The following LRRC4C variants were observed in gnomAD, a reference collection of about 807,000 sequenced individuals.
LRRC4C encodes leucine-rich repeat-containing protein 4C.
A neutral mutation model predicts 33.6 loss-of-function variants in LRRC4C; 5 were observed. That is an observed-to-expected ratio of 0.15 (90% CI 0.08 to 0.31). The LOEUF (loss-of-function observed/expected upper bound fraction) is 0.31, where lower values mean the gene tolerates loss of function less well. Ranked by LOEUF, LRRC4C falls within the 10% of genes least tolerant of loss-of-function variation. LRRC4C has a pLI of 1.00. For synonymous variants in LRRC4C, 329 were observed against 302.0 expected, an observed-to-expected ratio of 1.09 and a Z score of -0.93; for missense variants, 560 against 796.7, an observed-to-expected ratio of 0.70 and a Z score of 3.58.
intron 2 of LRRC4C, among the ~76,000 whole-genome samples, chr11:40,705,432 C>T (rs987642431): frequency 6.6e-6 from 1 of 151,950 alleles, no homozygotes; most frequent in African/African-American, 2.4e-5. Context: ...GTTCAATTTC[C>T]ACTTATGAGT....
chr11:41,250,010 A>AG (rs1457192101), intron 1 of LRRC4C, among the ~76,000 whole-genome samples: 1 of 151,766 alleles, frequency 6.6e-6, no homozygotes, highest in Non-Finnish European at 1.5e-5. Flanking sequence ...CTAAAAAAAA[A>AG]AATACAAAAA....
intron 1 of LRRC4C, among the ~76,000 whole-genome samples, chr11:41,374,864 G>A (rs1240718092): frequency 6.6e-6 from 1 of 152,138 alleles, no homozygotes; most frequent in Non-Finnish European, 1.5e-5. Context: ...GCTGGGCATG[G>A]TGCCTCACAC....
At chr11:40,699,703 T>C (rs965037189) in intron 2 of LRRC4C, among the ~76,000 whole-genome samples, 2 of 152,174 alleles carry the variant, frequency 1.3e-5, no homozygotes, top group African/African-American at 4.8e-5. Flanking sequence ...CACACACATA[T>C]AATTTCTATT....
At chr11:40,721,700 C>T (rs922948991) in intron 2 of LRRC4C, among the ~76,000 whole-genome samples, 5 of 152,202 alleles carry the variant, frequency 3.3e-5, no homozygotes, top group African/African-American at 1.2e-4. Context: ...CCTGTAATCC[C>T]AGCACTTTGG....
intron 1 of LRRC4C, among the ~76,000 whole-genome samples, chr11:41,356,350 T>C (rs948583221): frequency 1.3e-5 from 2 of 152,136 alleles, no homozygotes; most frequent in Admixed American, 1.3e-4. Flanking sequence ...AAAAGTCTTT[T>C]GGGGCAGTTA....
At chr11:40,789,060 T>C (rs1950528963) in intron 2 of LRRC4C, among the ~76,000 whole-genome samples, 1 of 121,832 alleles carries the variant, frequency 8.2e-6, no homozygotes, top group African/African-American at 3.3e-5. Flanking sequence ...GCCACTGCGC[T>C]CCAGCCTGGG....
chr11:41,290,361 T>C (rs1404927450), intron 1 of LRRC4C, among the ~76,000 whole-genome samples: 1 of 152,188 alleles, frequency 6.6e-6, no homozygotes, highest in African/African-American at 2.4e-5. Flanking sequence ...TGAATATCTG[T>C]AGAAGAATAA....
At chr11:40,382,684 A>AC (rs1948932644) in intron 3 of LRRC4C, among the ~76,000 whole-genome samples, 1 of 65,546 alleles carries the variant, frequency 1.5e-5, no homozygotes, top group Non-Finnish European at 2.7e-5. Context: ...ACTTGTACTC[A>AC]TTTTTTTTTT....
chr11:41,284,945 A>T (rs147532746), intron 1 of LRRC4C, among the ~76,000 whole-genome samples: 1 of 152,226 alleles, frequency 6.6e-6, no homozygotes, highest in African/African-American at 2.4e-5. Context: ...GTCCACGGCT[A>T]AGGCAGGGGA....
At position 40,514,313 on chromosome 11, in the gene LRRC4C, T is replaced by C. The variant is rs1421274030; in HGVS notation, c.-270+133829A>G. Among the ~76,000 whole-genome samples the C allele has an allele frequency of 2.6e-5, 4 of 152,218 alleles. No individual in the cohort carries two copies. The East Asian group carries it at 5.8e-4, about 22-fold the overall frequency. On this transcript the variant is annotated intron_variant, in intron 3 of 6. Transcript: ENST00000528697. ...ATGCAAAGGGCTTAGCACAGTGCAC[T>C]ACACCCTAGTGGTAAAGTGATGTTG...
chr11:40,384,787 T>G (rs1051801964), intron 3 of LRRC4C, among the ~76,000 whole-genome samples: 2 of 152,148 alleles, frequency 1.3e-5, no homozygotes, highest in African/African-American at 4.8e-5. Context: ...AGAAAGCCAC[T>G]CCTGGCAGGT....
intron 1 of LRRC4C, among the ~76,000 whole-genome samples, chr11:41,056,454 CATTATCAACAGAT>C (rs1193915861): frequency 1.3e-4 from 20 of 152,096 alleles, no homozygotes; most frequent in Admixed American, 1.2e-3. Flanking sequence ...CATCAAAAGA[CATTATCAACAGAT>C]TAAACAGACA....
chr11:40,118,974 G>C (rs1590415682), intron 6 of LRRC4C, among the ~76,000 whole-genome samples: 1 of 152,178 alleles, frequency 6.6e-6, no homozygotes, highest in South Asian at 2.1e-4. Flanking sequence ...GTCTTGGAGA[G>C]AAGCCAGTGC....
chr11:40,238,317 G>T (rs1404919770), intron 5 of LRRC4C, among the ~76,000 whole-genome samples: 1 of 152,148 alleles, frequency 6.6e-6, no homozygotes, highest in Non-Finnish European at 1.5e-5. Flanking sequence ...AGTTTTGAAT[G>T]TATTTCAGTT....
At chr11:40,445,232 G>T (rs144686675) in intron 3 of LRRC4C, 1 of 152,112 alleles carries the variant, frequency 6.6e-6, no homozygotes, top group Non-Finnish European at 1.5e-5. Flanking sequence ...AATAATTTTC[G>T]GAGAACAGTC....
chr11:40,781,758 C>T (rs909649741), intron 2 of LRRC4C, among the ~76,000 whole-genome samples: 1 of 152,146 alleles, frequency 6.6e-6, no homozygotes, highest in African/African-American at 2.4e-5. Context: ...GCTGAAAATC[C>T]TGTCTTGAGA....
At chr11:40,275,915 G>A (rs1028830356) in intron 4 of LRRC4C, among the ~76,000 whole-genome samples, 1 of 152,150 alleles carries the variant, frequency 6.6e-6, no homozygotes, top group African/African-American at 2.4e-5. Context: ...ACCTCAGAGA[G>A]CCTTCCGGCT....
At chr11:40,830,564 C>G (rs11036093) in intron 2 of LRRC4C, among the ~76,000 whole-genome samples, 19 of 151,790 alleles carry the variant, frequency 1.3e-4, no homozygotes, top group African/African-American at 4.6e-4. Context: ...AAGTTCTTTA[C>G]GAAAAATAAA....
intron 1 of LRRC4C, among the ~76,000 whole-genome samples, chr11:41,411,550 A>G (rs950431075): frequency 2.0e-5 from 3 of 152,216 alleles, no homozygotes; most frequent in Non-Finnish European, 4.4e-5. Context: ...GAAAAATTGT[A>G]CTTCAGATAA....
Sources: allele counts gnomAD v4.1 joint callset (sites outside exome capture counted in the v4.1 genomes callset), GRCh38; gene constraint gnomAD v4.1.1; transcripts MANE v1.5; gene names NCBI Gene and HGNC (gene_info 2026-07-23, HGNC 2026-07-21).